ROBO1: variants seen among roughly 807,000 people sequenced by gnomAD.
The protein encoded by ROBO1 is roundabout guidance receptor 1, also known as roundabout homolog 1.
A neutral mutation model predicts 195.9 loss-of-function variants in ROBO1; 149 were observed. The observed-to-expected ratio is 0.76, with a 90% CI of 0.67 to 0.87. The LOEUF (loss-of-function observed/expected upper bound fraction) is 0.87. ROBO1 is among the 40% of genes least tolerant of loss of function. The probability of loss-of-function intolerance (pLI) is 0.00; values close to 1 mark genes in which losing one functional copy is unlikely to be tolerated. For synonymous variants in ROBO1, 816 were observed against 733.2 expected, an observed-to-expected ratio of 1.11 and a Z score of -1.82; for missense variants, 1,933 against 2,068.3, an observed-to-expected ratio of 0.93 and a Z score of 1.27.
intron 2 of ROBO1, among the ~76,000 whole-genome samples, chr3:79,148,755 C>G (rs1576738691): frequency 6.6e-6 from 1 of 151,894 alleles, no homozygotes; most frequent in East Asian, 1.9e-4. Context: ...TCTTAACATT[C>G]ATACTCATTC....
chr3:79,660,510 G>A (rs1022993130), intron 1 of ROBO1, among the ~76,000 whole-genome samples: 9 of 152,034 alleles, frequency 5.9e-5, no homozygotes, highest in Non-Finnish European at 1.3e-4. Context: ...AGGTGTAGAA[G>A]TCATGATATC....
At chr3:79,562,562 C>A (rs1942956847) in intron 2 of ROBO1, among the ~76,000 whole-genome samples, 1 of 151,648 alleles carries the variant, frequency 6.6e-6, no homozygotes, top group Admixed American at 6.6e-5. Context: ...GAAATGTGCC[C>A]AAGAGAATGA....
At chr3:79,078,166 A>ATT (rs1354225490) in intron 3 of ROBO1, among the ~76,000 whole-genome samples, 7 of 151,974 alleles carry the variant, frequency 4.6e-5, no homozygotes, top group Admixed American at 6.6e-5. Context: ...ATCAGCTTGT[A>ATT]TTATACACTT....
rs148604545 is a variant in ROBO1, at chr3:79,415,408, G to T, written c.88+174416C>A. 1.6e-4 allele frequency among the ~76,000 whole-genome samples: 24 copies of T among 152,182 alleles called. No individual in the cohort carries two copies. The East Asian group carries it at 3.9e-3, about 25-fold the overall frequency. ...GGGACTTAATTTAAAGGTTCTTTGA[G>T]AAAGTGATGCGTAAGCAGAGAAATG... On this transcript the variant is annotated intron_variant, in intron 2 of 30. Coordinates refer to ENST00000464233, the MANE Select transcript of ROBO1 (RefSeq NM_002941.4).
intron 21 of ROBO1, among the ~76,000 whole-genome samples, chr3:78,644,028 G>A (rs1241358281): frequency 1.3e-5 from 2 of 152,034 alleles, no homozygotes; most frequent in East Asian, 3.9e-4. Context: ...TGAAACACAT[G>A]AGGGAAACCA....
intron 2 of ROBO1, among the ~76,000 whole-genome samples, chr3:79,280,005 A>G (rs2031382250): frequency 1.3e-5 from 2 of 152,352 alleles, no homozygotes. Context: ...ATAGAAAGTT[A>G]AACACTGCAA....
chr3:79,123,867 A>G (rs1161503863), intron 3 of ROBO1, among the ~76,000 whole-genome samples: 6 of 152,094 alleles, frequency 3.9e-5, no homozygotes, highest in African/African-American at 9.6e-5. Context: ...CATTAATGCT[A>G]TATTTAATCT....
intron 4 of ROBO1, among the ~76,000 whole-genome samples, chr3:78,909,105 G>C (rs1049775637): frequency 1.3e-5 from 2 of 151,756 alleles, no homozygotes; most frequent in Non-Finnish European, 3.0e-5. Flanking sequence ...TTTTAATAAT[G>C]GTGACTTATG....
intron 21 of ROBO1, among the ~76,000 whole-genome samples, chr3:78,644,394 T>C (rs1706151881): frequency 1.3e-5 from 2 of 152,186 alleles, no homozygotes; most frequent in African/African-American, 2.4e-5. Flanking sequence ...ACCTGTCACA[T>C]AGTAAGTGTT....
At chr3:79,168,315 G>T (rs2081106649) in intron 2 of ROBO1, among the ~76,000 whole-genome samples, 1 of 151,970 alleles carries the variant, frequency 6.6e-6, no homozygotes, top group African/African-American at 2.4e-5. Context: ...AATAAATACT[G>T]TTTCTTCCAG....
intron 11 of ROBO1, 62 bp downstream of exon 11, chr3:78,670,034 G>C (rs1707971087): frequency 7.5e-7 from 1 of 1,326,698 alleles, no homozygotes; most frequent in East Asian, 2.4e-5. Flanking sequence ...TTCAATGCCA[G>C]TTGTTGGAGG....
intron 2 of ROBO1, among the ~76,000 whole-genome samples, chr3:79,378,544 G>A (rs2036461733): frequency 6.6e-6 from 1 of 152,168 alleles, no homozygotes; most frequent in African/African-American, 2.4e-5. Flanking sequence ...ATTTTGGCAA[G>A]AGTTTATTAA....
At chr3:78,679,304 T>G (rs1417150367) in intron 10 of ROBO1, among the ~76,000 whole-genome samples, 2 of 152,060 alleles carry the variant, frequency 1.3e-5, no homozygotes, top group African/African-American at 4.8e-5. Flanking sequence ...CTATTCAACC[T>G]AGTGTTGGAA....
rs530906315 is a variant in ROBO1, at chr3:78,675,863, A to T, written c.1343-5562T>A. ...CAGCTGGAGATCTGAGAAAGGGCAG[A>T]CTGCCTCCTCAAGTGGGTCCCTGAC... On this transcript the variant is annotated intron_variant, in intron 10 of 30. Transcript: ENST00000464233. 1.8e-3 allele frequency among the ~76,000 whole-genome samples: 278 copies of T among 152,224 alleles called. 2 individuals are homozygous for T. The highest frequency in any genetic ancestry group is 6.0e-3 in the African/African-American group (250 of 41,542).
intron 3 of ROBO1, among the ~76,000 whole-genome samples, chr3:79,107,437 T>A (rs1450921732): frequency 6.6e-6 from 1 of 151,798 alleles, no homozygotes; most frequent in Non-Finnish European, 1.5e-5. Flanking sequence ...TACATTTTAC[T>A]GAGCATCATA....
intron 1 of ROBO1, among the ~76,000 whole-genome samples, chr3:79,716,181 T>C (rs544250508): frequency 1.1e-3 from 170 of 152,130 alleles, no homozygotes; most frequent in Non-Finnish European, 1.8e-3. Context: ...TATTATTATA[T>C]CTGATTTGTC....
intron 4 of ROBO1, among the ~76,000 whole-genome samples, chr3:78,790,685 T>C (rs983073849): frequency 6.6e-6 from 1 of 152,190 alleles, no homozygotes; most frequent in Non-Finnish European, 1.5e-5. Flanking sequence ...AAAGGTATTA[T>C]CTCATAAAAC....
rs115107007 is a variant in ROBO1 at position 79,062,375 on chromosome 3, T to C, written c.172+63081A>G. On this transcript the variant is annotated intron_variant, in intron 3 of 30. Coordinates refer to ENST00000464233, the MANE Select transcript of ROBO1 (RefSeq NM_002941.4). ...AAATGATGGAGATGATGTGGAGAAA[T>C]AGGAACATTTTTACACCTTTGGTGG... 9.7e-3 allele frequency among the ~76,000 whole-genome samples: 1,481 copies of C among 152,128 alleles called. 18 individuals carry two copies. Among genetic ancestry groups the C allele is most frequent in the African/African-American group, 0.032 (1,330 of 41,492 alleles).
At position 79,740,758 on chromosome 3, in the gene ROBO1, T is replaced by C. The variant is rs117760490; in HGVS notation, c.-51+26994A>G. Among the ~76,000 whole-genome samples the C allele has an allele frequency of 3.3e-5, 5 of 152,280 alleles. No homozygotes were observed. In the East Asian group the frequency reaches 9.7e-4, roughly 29 times the overall value. Reference sequence around the variant, plus strand: ...ACAGAACCAAAGCATATCAAATACTTAATCTTGGATATTTGGAATGGAAAA... The same window carrying C: ...ACAGAACCAAAGCATATCAAATACTCAATCTTGGATATTTGGAATGGAAAA... On this transcript the variant is annotated intron_variant, in intron 1 of 30. Coordinates refer to ENST00000464233, the MANE Select transcript of ROBO1 (RefSeq NM_002941.4).
Sources: gnomAD v4.1 joint callset for allele counts (sites outside exome capture counted in the v4.1 genomes callset) on GRCh38, gnomAD v4.1.1 for gene constraint, MANE v1.5 for transcripts, NCBI Gene and HGNC (gene_info 2026-07-23, HGNC 2026-07-21) for gene names.